Variants in SHB observed in about 807,000 individuals in gnomAD.
The protein encoded by SHB is SH2 domain containing adaptor protein B.
Under a neutral mutation model 52.3 loss-of-function variants are expected in SHB, and 20 were observed. That is an observed-to-expected ratio of 0.38 (90% CI 0.27 to 0.56). SHB has a LOEUF of 0.56. Among genes scored for constraint, SHB ranks in the 20% least tolerant of loss-of-function variants. The pLI, the probability that SHB is intolerant of heterozygous loss-of-function variation, is 0.71. For synonymous variants in SHB, 397 were observed against 316.5 expected, an observed-to-expected ratio of 1.25 and a Z score of -2.70; for missense variants, 825 against 723.3, an observed-to-expected ratio of 1.14 and a Z score of -1.61.
At chr9:37,933,990 T>C (rs980761434) in intron 5 of SHB, among the ~76,000 whole-genome samples, 1 of 152,218 alleles carries the variant, frequency 6.6e-6, no homozygotes, top group East Asian at 1.9e-4. Flanking sequence ...CCCATCCTGG[T>C]CGCTTCTGCT....
At position 37,950,805 on chromosome 9, in the gene SHB, C is replaced by T. The variant is rs375609557; in HGVS notation, c.1227-2051G>A. Among the ~76,000 whole-genome samples, 40 of 152,338 alleles carry T rather than the reference C, an allele frequency of 2.6e-4. 1 individual carries two copies. In the East Asian group the frequency reaches 4.2e-3, roughly 16 times the overall value. On this transcript the variant is annotated intron_variant, in intron 4 of 5. Coordinates refer to ENST00000377707, the MANE Select transcript of SHB (RefSeq NM_003028.3). Reference sequence around the variant, plus strand: ...CTGATGTGGGGCGAGTCTTAACCGACGGCAGCTGCAGCGTTAGCAGAAAGA... The same window carrying T: ...CTGATGTGGGGCGAGTCTTAACCGATGGCAGCTGCAGCGTTAGCAGAAAGA...
At chr9:37,931,607 T>C (rs1832311715) in intron 5 of SHB, among the ~76,000 whole-genome samples, 1 of 152,142 alleles carries the variant, frequency 6.6e-6, no homozygotes, top group Admixed American at 6.5e-5. Flanking sequence ...TTGGCGAGGA[T>C]GCGGAAAAAA....
chr9:37,957,345 G>A (rs1220137766), intron 3 of SHB, among the ~76,000 whole-genome samples: 7 of 152,224 alleles, frequency 4.6e-5, no homozygotes, highest in East Asian at 1.9e-4. Context: ...AAACCTCAGC[G>A]CTGGCGGGGT....
chr9:37,957,140 A>C (rs1832645083), intron 3 of SHB, among the ~76,000 whole-genome samples: 1 of 152,188 alleles, frequency 6.6e-6, no homozygotes, highest in Non-Finnish European at 1.5e-5. Flanking sequence ...AGGGTGCCTA[A>C]GAAACGAGGC....
chr9:37,955,653 T>G (rs1040998239), intron 4 of SHB, among the ~76,000 whole-genome samples: 7 of 27,448 alleles, frequency 2.6e-4, no homozygotes, highest in African/African-American at 1.4e-3. Context: ...AATTTTTGTA[T>G]TTTTTTTTCT....
intron 1 of SHB, among the ~76,000 whole-genome samples, chr9:38,022,166 T>C (rs1821289477): frequency 6.6e-6 from 1 of 152,208 alleles, no homozygotes. Flanking sequence ...ATATGATCAT[T>C]GATGAAGTTG....
At chr9:38,058,771 G>A (rs924511531) in intron 1 of SHB, among the ~76,000 whole-genome samples, 2 of 152,022 alleles carry the variant, frequency 1.3e-5, no homozygotes, top group Admixed American at 1.3e-4. Context: ...CTGAACCACC[G>A]AGGCATGCTA....
rs546575714 is a variant in SHB, at chr9:38,067,923, C to A, written c.717+6G>T. The A allele has an allele frequency of 5.3e-6, 8 of 1,512,130 alleles. No homozygotes were observed. Among genetic ancestry groups the A allele is most frequent in the East Asian group, 2.6e-5 (1 of 37,740 alleles). The allele number at this position is 1,512,130 out of a possible 1,614,324, so 93.7% of individuals were successfully genotyped here. On this transcript the variant is annotated splice_donor_region_variant and intron_variant, in intron 1 of 5. Transcript: ENST00000377707. ...AACCTCGGGAAGAGGCCAAGGGGCA[C>A]CTTACCTTGTCCTTCTTGCCGGCCC...
At chr9:38,029,460 T>C (rs1005132081) in intron 1 of SHB, among the ~76,000 whole-genome samples, 4 of 152,168 alleles carry the variant, frequency 2.6e-5, no homozygotes, top group African/African-American at 7.2e-5. Flanking sequence ...TACCAAGACC[T>C]ACCCTCATGG....
At chr9:37,992,122 C>T (rs10973633) in intron 2 of SHB, among the ~76,000 whole-genome samples, 65,532 of 152,022 alleles carry the variant, frequency 0.43, 14,466 homozygotes, top group Middle Eastern at 0.51. Context: ...TTGGTCCAGC[C>T]GGGCACGGTG....
rs531798046 is a variant in SHB, at chr9:38,059,210, G to A, written c.717+8719C>T. ...GGGTCCAGCCTGTAAGTCAAGGCCC[G>A]GCAGTGGGCCAGGGAATTCGCTTCC... is the stretch of plus-strand genomic sequence containing the variant. On this transcript the variant is annotated intron_variant, in intron 1 of 5. Transcript: ENST00000377707. Among the ~76,000 whole-genome samples the A allele has an allele frequency of 3.2e-4, 49 of 152,272 alleles. 1 individual carries two copies. Among genetic ancestry groups the A allele is most frequent in the African/African-American group, 9.9e-4 (41 of 41,554 alleles).
chr9:38,025,831 ATGT>A (rs1317917692), intron 1 of SHB, among the ~76,000 whole-genome samples: 1 of 152,136 alleles, frequency 6.6e-6, no homozygotes, highest in African/African-American at 2.4e-5. Flanking sequence ...CCCCCTCCCC[ATGT>A]TGATGAGGAG....
intron 2 of SHB, among the ~76,000 whole-genome samples, chr9:38,010,811 G>A (rs539418103): frequency 2.0e-5 from 3 of 152,308 alleles, no homozygotes; most frequent in African/African-American, 4.8e-5. Flanking sequence ...TGCAATGACC[G>A]AGCGCACTGC....
chr9:37,952,798 G>C (rs1458359045), intron 4 of SHB, among the ~76,000 whole-genome samples: 1 of 152,068 alleles, frequency 6.6e-6, no homozygotes, highest in Non-Finnish European at 1.5e-5. Flanking sequence ...TGGAGGTGCG[G>C]AAGCTGGGGG....
chr9:38,019,810 A>C (rs1821260514), intron 1 of SHB, among the ~76,000 whole-genome samples: 1 of 152,212 alleles, frequency 6.6e-6, no homozygotes, highest in South Asian at 2.1e-4. Flanking sequence ...AAACCACCCG[A>C]AACTACTGCA....
chr9:38,024,977 G>T (rs1821322874), intron 1 of SHB, among the ~76,000 whole-genome samples: 1 of 152,138 alleles, frequency 6.6e-6, no homozygotes, highest in African/African-American at 2.4e-5. Context: ...TATCCACTGG[G>T]GACAGAAGGC....
chr9:37,939,834 A>C (rs1338449255), intron 5 of SHB, among the ~76,000 whole-genome samples: 3 of 152,020 alleles, frequency 2.0e-5, no homozygotes, highest in East Asian at 1.9e-4. Context: ...AATGGTTGCT[A>C]CTCTTCTTGA....
At chr9:38,001,833 C>T (rs1039013343) in intron 2 of SHB, among the ~76,000 whole-genome samples, 8 of 152,190 alleles carry the variant, frequency 5.3e-5, no homozygotes, top group East Asian at 1.9e-4. Flanking sequence ...CACACTTACC[C>T]GCTGAGACCT....
At chr9:38,031,801 A>G (rs942935949) in intron 1 of SHB, among the ~76,000 whole-genome samples, 1 of 152,092 alleles carries the variant, frequency 6.6e-6, no homozygotes, top group South Asian at 2.1e-4. Flanking sequence ...GTCATAAATC[A>G]CCTGCCACTG....
Sources: gnomAD v4.1 joint callset for allele counts (sites outside exome capture counted in the v4.1 genomes callset) on GRCh38, gnomAD v4.1.1 for gene constraint, MANE v1.5 for transcripts, NCBI Gene and HGNC (gene_info 2026-07-23, HGNC 2026-07-21) for gene names.